The following ADAM23 variants were observed in gnomAD, a reference collection of about 807,000 sequenced individuals.
ADAM23 encodes disintegrin and metalloproteinase domain-containing protein 23.
Under a neutral mutation model 120.1 loss-of-function variants are expected in ADAM23, and 33 were observed. That is an observed-to-expected ratio of 0.27 (90% CI 0.21 to 0.37). The LOEUF (loss-of-function observed/expected upper bound fraction) is 0.37. ADAM23 is among the 10% of genes least tolerant of loss of function. The pLI is 1.00. For missense variants in ADAM23, 862 were observed against 1,058.2 expected (o/e 0.81, Z 2.57); for synonymous variants, 367 against 375.2 (o/e 0.98, Z 0.25).
chr2:206,589,610 C>A, intron 21 of ADAM23, 96 bp downstream of exon 21: 1 of 994,702 alleles, frequency 1.0e-6, no homozygotes, highest in Non-Finnish European at 1.4e-6. Context: ...TGATTTTTTT[C>A]TAAGTGTTCA....
intron 24 of ADAM23, chr2:206,606,668 G>T (rs1698734089): frequency 6.6e-6 from 1 of 152,186 alleles, no homozygotes; most frequent in African/African-American, 2.4e-5. Context: ...GATTTAGGGT[G>T]CTCTGTACTT....
intron 24 of ADAM23, among the ~76,000 whole-genome samples, chr2:206,596,480 G>A (rs1335880455): frequency 6.6e-6 from 1 of 152,116 alleles, no homozygotes; most frequent in Non-Finnish European, 1.5e-5. Context: ...GTTCGTCTAA[G>A]CTATGCCATT....
At chr2:206,485,156 C>A (rs992751099) in intron 3 of ADAM23, among the ~76,000 whole-genome samples, 2 of 152,106 alleles carry the variant, frequency 1.3e-5, no homozygotes, top group African/African-American at 4.8e-5. Context: ...GCAAGGCTGG[C>A]ATGATGAACT....
intron 2 of ADAM23, among the ~76,000 whole-genome samples, chr2:206,477,897 A>AATATATATATATATATAT (rs71034457): frequency 5.3e-4 from 50 of 93,550 alleles, no homozygotes; most frequent in Admixed American, 1.8e-3. Flanking sequence ...AAAAAAAAAA[A>AATATATATATATATATAT]ATATATATAT....
At chr2:206,573,999 C>A (rs1390724251) in intron 18 of ADAM23, among the ~76,000 whole-genome samples, 1 of 151,900 alleles carries the variant, frequency 6.6e-6, no homozygotes, top group Non-Finnish European at 1.5e-5. Context: ...AAAGTAATTG[C>A]GGTTTTTGCC....
chr2:206,552,758 C>T (rs1459920808), intron 9 of ADAM23, among the ~76,000 whole-genome samples: 2 of 152,108 alleles, frequency 1.3e-5, no homozygotes, highest in Admixed American at 1.3e-4. Context: ...GCCTCCGCAG[C>T]TCAAGTGATC....
chr2:206,477,897 A>AATATATATATATATAT (rs71034457), intron 2 of ADAM23, among the ~76,000 whole-genome samples: 57 of 93,540 alleles, frequency 6.1e-4, no homozygotes, highest in Admixed American at 1.9e-3. Flanking sequence ...AAAAAAAAAA[A>AATATATATATATATAT]ATATATATAT....
intron 15 of ADAM23, among the ~76,000 whole-genome samples, chr2:206,570,474 A>T (rs951673730): frequency 6.6e-6 from 1 of 152,332 alleles, no homozygotes; most frequent in East Asian, 1.9e-4. Context: ...CATGAAAAGT[A>T]ACTCTAATGC....
At chr2:206,596,899 CTTTTTTTTTTTTTTT>C (rs144070768) in intron 24 of ADAM23, among the ~76,000 whole-genome samples, 1 of 82,974 alleles carries the variant, frequency 1.2e-5, no homozygotes. Context: ...ATTATATCAT[CTTTTTTTTTTTTTTT>C]TTTTTTTTTT....
At chr2:206,588,067 TCA>T (rs1275921629) in intron 19 of ADAM23, 22 bp from the exon 20 acceptor site, 1 of 1,613,648 alleles carries the variant, frequency 6.2e-7, no homozygotes, top group East Asian at 2.2e-5. Flanking sequence ...TCTGTGTGCC[TCA>T]CATGTGTGCT....
chr2:206,526,928 A>G (rs1696958753), intron 3 of ADAM23, among the ~76,000 whole-genome samples: 1 of 152,186 alleles, frequency 6.6e-6, no homozygotes, highest in Non-Finnish European at 1.5e-5. Context: ...TTCACCATGA[A>G]GGGCAGAGTG....
chr2:206,532,717 A>G (rs1171733773), intron 4 of ADAM23, among the ~76,000 whole-genome samples: 3 of 152,128 alleles, frequency 2.0e-5, no homozygotes, highest in Non-Finnish European at 4.4e-5. Context: ...ATATTAAGTA[A>G]TCTTCTAAAC....
intron 2 of ADAM23, among the ~76,000 whole-genome samples, chr2:206,463,980 G>C (rs1651279763): frequency 6.6e-6 from 1 of 152,230 alleles, no homozygotes; most frequent in Non-Finnish European, 1.5e-5. Flanking sequence ...TTGGGAGAAA[G>C]AAAGCAATAT....
intron 14 of ADAM23, among the ~76,000 whole-genome samples, chr2:206,565,964 A>G (rs1211665002): frequency 2.6e-5 from 4 of 152,110 alleles, no homozygotes; most frequent in Admixed American, 2.6e-4. Flanking sequence ...TATCCCTGCT[A>G]CTTTAGAACG....
In ADAM23 at chr2:206,553,656, A is replaced by G. The variant is rs182276090; in HGVS notation, c.933+3496A>G. On this transcript the variant is annotated intron_variant, in intron 9 of 25. Coordinates refer to ENST00000264377, the MANE Select transcript of ADAM23 (RefSeq NM_003812.4). ...AGAGCTGAAAAAAATTTTTTGAGGT[A>G]TGCTTTCTATGAGATGAAGGTTGTT... Among the ~76,000 whole-genome samples the G allele has an allele frequency of 4.4e-3, 663 of 152,262 alleles. 1 individual carries two copies. The highest frequency in any genetic ancestry group is 0.02 in the Middle Eastern group (6 of 294).
intron 24 of ADAM23, among the ~76,000 whole-genome samples, chr2:206,609,424 T>C (rs1277610662): frequency 6.6e-6 from 1 of 152,240 alleles, no homozygotes; most frequent in Non-Finnish European, 1.5e-5. Context: ...TTTAACTGTT[T>C]CCAAGTGGGG....
intron 2 of ADAM23, among the ~76,000 whole-genome samples, chr2:206,457,756 G>A (rs1695328326): frequency 6.6e-6 from 1 of 152,092 alleles, no homozygotes; most frequent in Non-Finnish European, 1.5e-5. Context: ...CAAATAATAT[G>A]TCAGACATTC....
chr2:206,558,160 C>G (rs1220375440), intron 10 of ADAM23, among the ~76,000 whole-genome samples: 1 of 152,012 alleles, frequency 6.6e-6, no homozygotes, highest in Non-Finnish European at 1.5e-5. Context: ...TTTTTCCTGC[C>G]TTAGGTTAGA....
intron 3 of ADAM23, among the ~76,000 whole-genome samples, chr2:206,503,675 C>T (rs1318808690): frequency 3.9e-5 from 6 of 152,048 alleles, no homozygotes; most frequent in Non-Finnish European, 8.8e-5. Context: ...TGTTTCATTC[C>T]TTTGGCAAAG....
Sources: gnomAD v4.1 joint callset for allele counts (sites outside exome capture counted in the v4.1 genomes callset) on GRCh38, gnomAD v4.1.1 for gene constraint, MANE v1.5 for transcripts, NCBI Gene and HGNC (gene_info 2026-07-23, HGNC 2026-07-21) for gene names.